PCM1: variants seen among roughly 807,000 people sequenced by gnomAD.
The protein encoded by PCM1 is pericentriolar material 1 protein.
A neutral mutation model predicts 241.9 loss-of-function variants in PCM1; 157 were observed. The observed-to-expected ratio is 0.65, with a 90% CI of 0.57 to 0.74. The LOEUF is 0.74. PCM1 is among the 30% of genes least tolerant of loss of function. The pLI, the probability that PCM1 is intolerant of heterozygous loss-of-function variation, is 0.00. For synonymous variants in PCM1, 1,085 were observed against 784.9 expected (o/e 1.38, Z -6.39); for missense variants, 3,478 against 2,360.1 (o/e 1.47, Z -9.81).
Position 18,011,684 on chromosome 8 carries a change from A to G in PCM1, c.5368A>G (p.Thr1790Ala). Residue 1790 changes from threonine to alanine, a missense_variant, in exon 34 of 39, where the codon ACT (threonine) becomes GCT (alanine). By Grantham distance (58) the Thr-to-Ala change is moderately conservative (BLOSUM62 0). Coordinates refer to ENST00000325083, the MANE Select transcript of PCM1 (RefSeq NM_006197.4). ...CAACTTAGATTTGTCTAAAGCTGAA[A>G]CTCAGGCTTTAACTAATTATGGAAG... ...PVSINLSKAETQALTNYGSGE... is the reference protein window; with the variant it reads ...PVSINLSKAEAQALTNYGSGE... The G allele has an allele frequency of 6.2e-7, 1 of 1,609,920 alleles. No individual in the cohort carries two copies. The highest frequency in any genetic ancestry group is 8.5e-7 in the Non-Finnish European group (1 of 1,178,048).
chr8:18,008,814 C>G (rs1010882672), intron 30 of PCM1, among the ~76,000 whole-genome samples: 1 of 152,062 alleles, frequency 6.6e-6, no homozygotes, highest in African/African-American at 2.4e-5. Flanking sequence ...TTGATCTTTC[C>G]TAGTCATTTA....
At chr8:17,970,897 C>G (rs564081326) in intron 22 of PCM1, among the ~76,000 whole-genome samples, 1 of 152,180 alleles carries the variant, frequency 6.6e-6, no homozygotes, top group African/African-American at 2.4e-5. Context: ...AATTAAATGA[C>G]TAGAGATAAA....
intron 9 of PCM1, among the ~76,000 whole-genome samples, chr8:17,955,098 CAAGTTT>C (rs1243096411): frequency 1.3e-5 from 2 of 151,996 alleles, no homozygotes; most frequent in Non-Finnish European, 1.5e-5. Flanking sequence ...AACCTAGAAC[CAAGTTT>C]ATCAAGTTAG....
rs192834936 is a variant in PCM1 at position 17,943,030 on chromosome 8, C to A, written c.783+3169C>A. ...AAAAAAAAGAGTTTGAATAAAAATA[C>A]CATTTATAAAAGTGCATGTATCTGT... On this transcript the variant is annotated intron_variant, in intron 6 of 38. Coordinates refer to ENST00000325083, the MANE Select transcript of PCM1 (RefSeq NM_006197.4). Among the ~76,000 whole-genome samples the A allele has an allele frequency of 2.0e-5, 3 of 151,552 alleles. No homozygotes were observed. The East Asian group carries it at 5.8e-4, about 29-fold the overall frequency.
In PCM1 at chr8:17,936,319, G is replaced by C. The variant is rs1030335379; in HGVS notation, c.96+613G>C. 1.5e-4 allele frequency among the ~76,000 whole-genome samples: 23 copies of C among 152,218 alleles called. No homozygotes were observed. In the East Asian group the frequency reaches 4.4e-3, roughly 29 times the overall value. On this transcript the variant is annotated intron_variant, in intron 3 of 38. Transcript: ENST00000325083. ...TATTCACTCATAGATTGGGTGGAAG[G>C]ACAGTTCATAAAGAAGGGGGTTTTG...
intron 32 of PCM1, 66 bp from the exon 33 acceptor site, chr8:18,011,171 G>A: frequency 9.3e-7 from 1 of 1,079,386 alleles, no homozygotes; most frequent in Non-Finnish European, 1.3e-6. Flanking sequence ...TAATACGATA[G>A]ACTTACTATA....
chr8:17,957,170 G>T (rs2068924930), intron 11 of PCM1, 94 bp from the exon 12 acceptor site: 1 of 939,596 alleles, frequency 1.1e-6, no homozygotes, highest in Non-Finnish European at 1.6e-6. Context: ...CAATGTGCTT[G>T]GTTTGGTGTT....
intron 6 of PCM1, among the ~76,000 whole-genome samples, chr8:17,946,553 A>T (rs7829827): frequency 6.6e-6 from 1 of 151,086 alleles, no homozygotes; most frequent in East Asian, 2.0e-4. Context: ...CTGGAGTGCA[A>T]TGGTGCAGTC....
At chr8:17,994,157 C>T (rs1463108958) in intron 29 of PCM1, among the ~76,000 whole-genome samples, 8 of 152,058 alleles carry the variant, frequency 5.3e-5, no homozygotes, top group Admixed American at 2.0e-4. Context: ...ACTTTTTGTA[C>T]CCATTAACCA....
At position 18,010,642 on chromosome 8, in the gene PCM1, G is replaced by A. The variant is rs938956624; in HGVS notation, c.5194G>A (p.Ala1732Thr). ...KRILEDHGSPAGEIDDEDKDK... is the reference protein window; with the variant it reads ...KRILEDHGSPTGEIDDEDKDK... ...GATTCTTGAAGATCATGGCTCACCT[G>A]CTGGAGAGATTGATGATGAAGACAA... Residue 1732 changes from alanine to threonine, a missense_variant, in exon 32 of 39, where the codon GCT becomes ACT. Physicochemically the swap from Ala to Thr is moderately conservative, Grantham distance 58. Transcript: ENST00000325083. The A allele has an allele frequency of 1.9e-6, 3 of 1,603,964 alleles. No individual in the cohort carries two copies. Among genetic ancestry groups the A allele is most frequent in the South Asian group, 2.2e-5 (2 of 89,116 alleles).
intron 13 of PCM1, 93 bp downstream of exon 13, chr8:17,957,868 CTAA>C: frequency 1.2e-6 from 1 of 812,954 alleles, no homozygotes. Flanking sequence ...TTTAATTATA[CTAA>C]TACACATTTA....
At chr8:17,927,824 C>G (rs1402867787) in intron 2 of PCM1, 1 of 135,372 alleles carries the variant, frequency 7.4e-6, no homozygotes, top group Admixed American at 8.1e-5. Flanking sequence ...CCTGGGATTA[C>G]AAGCGTGAGC....
At chr8:17,967,215 T>G (rs753240491) in intron 21 of PCM1, 45 bp downstream of exon 21, 1 of 1,396,934 alleles carries the variant, frequency 7.2e-7, no homozygotes, top group South Asian at 1.3e-5. Context: ...AGCAAAGTGT[T>G]TGGAACAACG....
Position 17,934,206 on chromosome 8 carries a change from A to G in PCM1, c.-22-1383A>G, listed in dbSNP as rs372611235. The stretch of plus-strand genomic sequence containing the variant: ...TTTTCTCTAGTGAATGGGATGAGTT[A>G]GGGTCTTAGAATTAAAGCAACTTGG... On this transcript the variant is annotated intron_variant, in intron 2 of 38. Transcript: ENST00000325083. Among the ~76,000 whole-genome samples the G allele has an allele frequency of 1.3e-3, 205 of 152,062 alleles. 2 individuals are homozygous for G. In the South Asian group the frequency reaches 0.041, roughly 30 times the overall value.
At chr8:17,952,915 T>A in intron 8 of PCM1, 55 bp from the exon 9 acceptor site, 1 of 997,626 alleles carries the variant, frequency 1.0e-6, no homozygotes, top group Non-Finnish European at 1.5e-6. Context: ...AAAATGAGAA[T>A]GCATTTAATT....
chr8:17,975,541 A>G (rs995884415), intron 23 of PCM1, among the ~76,000 whole-genome samples: 2 of 152,104 alleles, frequency 1.3e-5, no homozygotes, highest in African/African-American at 2.4e-5. Context: ...AATTGTTACT[A>G]CAGTAAGAAA....
chr8:17,993,707 G>A (rs1301433091), intron 29 of PCM1, 88 bp downstream of exon 29: 11 of 1,112,252 alleles, frequency 9.9e-6, no homozygotes, highest in Admixed American at 3.1e-5. Context: ...AAAGTTCAAC[G>A]GTATAGGTAA....
chr8:18,019,176 T>C (rs1481565635), intron 36 of PCM1, among the ~76,000 whole-genome samples: 3 of 152,118 alleles, frequency 2.0e-5, no homozygotes, highest in African/African-American at 7.2e-5. Flanking sequence ...GCTGAAGCTC[T>C]ATCTTGTTTT....
chr8:17,953,449 T>G (rs1384276780), intron 9 of PCM1, among the ~76,000 whole-genome samples: 1 of 152,164 alleles, frequency 6.6e-6, no homozygotes, highest in African/African-American at 2.4e-5. Context: ...AAGGGAAAGG[T>G]AGAAGAGAAG....
Sources: gnomAD v4.1 joint callset for allele counts (sites outside exome capture counted in the v4.1 genomes callset) on GRCh38, gnomAD v4.1.1 for gene constraint, MANE v1.5 for transcripts, NCBI Gene and HGNC (gene_info 2026-07-23, HGNC 2026-07-21) for gene names.